The following ZNF638 variants were observed in gnomAD, a reference collection of about 807,000 sequenced individuals.
ZNF638 encodes CTCL tumor antigen se33-1.
ZNF638 carries 46 observed loss-of-function variants against 195.6 expected under a neutral mutation model. The observed-to-expected ratio is 0.24, with a 90% CI of 0.19 to 0.30. ZNF638 has a LOEUF of 0.30. ZNF638 is among the 10% of genes least tolerant of loss of function. ZNF638 has a pLI of 1.00. For missense variants in ZNF638, 2,440 were observed against 2,325.3 expected (o/e 1.05, Z -1.01); for synonymous variants, 845 against 772.0 (o/e 1.09, Z -1.57).
intron 10 of ZNF638, chr2:71,395,391 T>A: frequency 2.9e-6 from 2 of 688,642 alleles, no homozygotes; most frequent in South Asian, 1.5e-5. Flanking sequence ...GGAAAAGTTA[T>A]AAGGAGAGAC....
In ZNF638 at chr2:71,424,699, G is replaced by A. The variant is rs2152604104; in HGVS notation, c.4574G>A (p.Ser1525Asn). The A allele has an allele frequency of 6.2e-7, 1 of 1,613,204 alleles. No individual in the cohort carries two copies. The highest frequency in any genetic ancestry group is 2.2e-5 in the East Asian group (1 of 44,832). Residue 1525 changes from serine to asparagine, a missense_variant, in exon 23 of 28, where the codon AGT (serine) becomes AAT (asparagine). Ser to Asn is a conservative substitution (Grantham distance 46, BLOSUM62 1). Coordinates refer to ENST00000264447, the MANE Select transcript of ZNF638 (RefSeq NM_014497.5). ...AATCCTAAAAGCACTACTGGTAGAA[G>A]TTCCAAATCTAAAGAGGTAAAAAAT... is the stretch of plus-strand genomic sequence containing the variant. ...TKNPKSTTGR[S>N]SKSKEEPLFP...
At chr2:71,374,857 G>GA (rs2079391588) in intron 8 of ZNF638, 1 of 152,240 alleles carries the variant, frequency 6.6e-6, no homozygotes, top group African/African-American at 2.4e-5. Context: ...ACACGATGGA[G>GA]AGGTAGCACT....
intron 17 of ZNF638, among the ~76,000 whole-genome samples, chr2:71,405,319 C>G (rs1191408493): frequency 5.9e-5 from 9 of 152,186 alleles, no homozygotes; most frequent in Admixed American, 5.9e-4. Context: ...AATTAAATCT[C>G]TATTCCTTCT....
At chr2:71,359,878 G>C (rs2104245760) in intron 3 of ZNF638, among the ~76,000 whole-genome samples, 1 of 152,266 alleles carries the variant, frequency 6.6e-6, no homozygotes, top group Non-Finnish European at 1.5e-5. Context: ...TGATACAAGA[G>C]TAGTTGAGGA....
intron 2 of ZNF638, among the ~76,000 whole-genome samples, chr2:71,353,825 C>T (rs1441409532): frequency 6.6e-6 from 1 of 152,144 alleles, no homozygotes; most frequent in African/African-American, 2.4e-5. Context: ...ATAAATCATG[C>T]CCAACCCACT....
chr2:71,347,772 T>A (rs928155792), intron 1 of ZNF638, among the ~76,000 whole-genome samples: 5 of 152,248 alleles, frequency 3.3e-5, no homozygotes, highest in African/African-American at 1.2e-4. Context: ...GCAACCAGTT[T>A]TAACTAATAA....
intron 1 of ZNF638, among the ~76,000 whole-genome samples, chr2:71,334,168 A>G (rs1188187988): frequency 2.0e-5 from 3 of 152,170 alleles, no homozygotes; most frequent in African/African-American, 4.8e-5. Context: ...AGATGCTCAG[A>G]TGTTGAGTGA....
intron 3 of ZNF638, among the ~76,000 whole-genome samples, chr2:71,357,705 AGCATTTGCTTTCCATGCCT>A (rs2079046683): frequency 6.6e-6 from 1 of 152,162 alleles, no homozygotes; most frequent in African/African-American, 2.4e-5. Flanking sequence ...CCTGATTTAA[AGCATTTGCTTTCCATGCCT>A]GCTACTTTAA....
chr2:71,349,313 C>T lies in ZNF638; in HGVS notation c.359C>T (p.Ser120Phe). ...GCATCAGTGGCAGTGAAACAGAGTT[C>T]TGTAACACAGGTTACAGAGCAGAGT... ...ISASVAVKQSSVTQVTEQSPK... is the reference protein window; with the variant it reads ...ISASVAVKQSFVTQVTEQSPK... Residue 120 changes from serine to phenylalanine, a missense_variant, in exon 2 of 28, where the codon TCT becomes TTT. Ser to Phe is a radical substitution (Grantham distance 155). This residue lies in a region of ZNF638 where 191 missense variants were observed against 173.8 expected (regional missense o/e 1.10). Coordinates refer to ENST00000264447, the MANE Select transcript of ZNF638 (RefSeq NM_014497.5). 3 of 1,614,174 alleles carry T rather than the reference C, an allele frequency of 1.9e-6. No homozygotes were observed. The highest frequency in any genetic ancestry group is 2.5e-6 in the Non-Finnish European group (3 of 1,180,040).
chr2:71,346,074 A>C (rs1031005345), intron 1 of ZNF638, among the ~76,000 whole-genome samples: 8 of 152,240 alleles, frequency 5.3e-5, no homozygotes, highest in African/African-American at 1.9e-4. Flanking sequence ...GATTGTTCCA[A>C]ATGATACTTA....
At chr2:71,419,319 C>CT (rs556296388) in intron 21 of ZNF638, among the ~76,000 whole-genome samples, 20 of 152,218 alleles carry the variant, frequency 1.3e-4, no homozygotes, top group Admixed American at 3.9e-4. Context: ...TAGAATATTT[C>CT]TTTTTCCTCC....
Position 71,422,850 on chromosome 2 carries a change from G to T in ZNF638, c.3336G>T (p.Glu1112Asp). 4 of 1,613,652 alleles carry T rather than the reference G, an allele frequency of 2.5e-6. No individual in the cohort carries two copies. The highest frequency in any genetic ancestry group is 2.5e-6 in the Non-Finnish European group (3 of 1,179,828). ...AAAACAGTCCAATTGATGAAAGTGA[G>T]GTGCAAACAGCAACTGATAGTCCCT... Reference protein sequence around the residue: ...GLKNSPIDESEVQTATDSPSV... With the variant: ...GLKNSPIDESDVQTATDSPSV... Residue 1112 changes from glutamate (E) to aspartate (D), a missense_variant, in exon 22 of 28, where the codon GAG becomes GAT. Around this residue, in one of 5 missense-constraint regions of ZNF638, gnomAD observed 1,883 missense variants for 1,739.1 expected, o/e 1.08. Coordinates refer to ENST00000264447, the MANE Select transcript of ZNF638 (RefSeq NM_014497.5).
At chr2:71,428,133 G>T (rs2080577988) in intron 24 of ZNF638, among the ~76,000 whole-genome samples, 1 of 152,106 alleles carries the variant, frequency 6.6e-6, no homozygotes, top group South Asian at 2.1e-4. Context: ...TCGAGGTTGT[G>T]GTGAGCAATG....
In ZNF638 at chr2:71,433,301, T is replaced by G. The variant is rs374003237; in HGVS notation, c.5871+18T>G. ...ATACTGAGGTAATTTTAAAAATTCT[T>G]ACAAAATCTTGAGGTGTTGTTATTG... On this transcript the variant is annotated intron_variant, in intron 27 of 27. Transcript: ENST00000264447. The G allele has an allele frequency of 2.5e-5, 39 of 1,550,724 alleles. No homozygotes were observed. The highest frequency in any genetic ancestry group is 3.4e-5 in the Non-Finnish European group (38 of 1,123,910).
rs531202733 is a variant in ZNF638, at chr2:71,389,120, G to A, written c.2378-7021G>A. On this transcript the variant is annotated intron_variant, in intron 10 of 27. Transcript: ENST00000264447. ...AGGAACCATCACCTACCTTACCGCC[G>A]CCTCCTCTTCCCTCAGCCCTGCCAT... 3.2e-4 allele frequency among the ~76,000 whole-genome samples: 49 copies of A among 152,180 alleles called. No homozygotes were observed. The East Asian group carries it at 6.0e-3, about 19-fold the overall frequency.
intron 2 of ZNF638, among the ~76,000 whole-genome samples, chr2:71,352,504 A>T (rs1011324066): frequency 2.8e-4 from 43 of 151,698 alleles, no homozygotes; most frequent in African/African-American, 1.9e-4. Flanking sequence ...ATAAAAAAAA[A>T]AAAAAAGAAG....
rs538112482 is a variant in ZNF638 at position 71,355,575 on chromosome 2, A to G, written c.1318-144A>G. ...CAAGGCCTTTAATTTTTGTTTGTGA[A>G]AATTTTACTGAGCAGCCAAATGCTA... On this transcript the variant is annotated intron_variant, in intron 2 of 27. Coordinates refer to ENST00000264447, the MANE Select transcript of ZNF638 (RefSeq NM_014497.5). 10 of 588,144 alleles carry G rather than the reference A, an allele frequency of 1.7e-5. No individual in the cohort carries two copies. In the African/African-American group the frequency reaches 1.8e-4, roughly 10 times the overall value. The allele number at this position is 588,144 out of a possible 1,614,324, so 36.4% of individuals were successfully genotyped here. A position where few individuals can be genotyped will look rare whatever the true frequency, so the allele number is the denominator to read the frequency against.
intron 1 of ZNF638, among the ~76,000 whole-genome samples, chr2:71,345,728 C>A (rs778724674): frequency 1.1e-4 from 16 of 152,048 alleles, no homozygotes; most frequent in Non-Finnish European, 1.9e-4. Flanking sequence ...TGGTCTTGAA[C>A]CCCTGGGCTC....
chr2:71,396,336 A>G lies in ZNF638; in HGVS notation c.2428+145A>G, dbSNP rs191836367. On this transcript the variant is annotated intron_variant, in intron 11 of 27. Transcript: ENST00000264447. ...CTTTGAGATTTATAATCATCTAGCA[A>G]TTTTGAGAAATGATATGTACTAGAT... 1.9e-4 allele frequency: 122 copies of G among 651,422 alleles called. No individual in the cohort carries two copies. The Middle Eastern group carries it at 2.5e-3, about 14-fold the overall frequency. 40.4% of individuals were successfully genotyped at this position (651,422 alleles called of 1,614,324 possible). A position where few individuals can be genotyped will look rare whatever the true frequency, so the allele number is the denominator to read the frequency against.
Sources: allele counts gnomAD v4.1 joint callset (sites outside exome capture counted in the v4.1 genomes callset), GRCh38; gene constraint gnomAD v4.1.1; regional missense constraint gnomAD v4.1.1; transcripts MANE v1.5; gene names NCBI Gene and HGNC (gene_info 2026-07-23, HGNC 2026-07-21).